TMEM50B: variants seen among roughly 807,000 people sequenced by gnomAD.
The protein encoded by TMEM50B is HCV p7-trans-regulated protein 3.
Under a neutral mutation model 23.4 loss-of-function variants are expected in TMEM50B, and 14 were observed. The ratio of observed to expected loss-of-function variants is 0.60; its 90% CI spans 0.39 to 0.93. TMEM50B has a LOEUF of 0.93. Among genes scored for constraint, TMEM50B ranks in the 40% least tolerant of loss-of-function variants. The probability of loss-of-function intolerance (pLI) is 0.00; values close to 1 mark genes in which losing one functional copy is unlikely to be tolerated. For synonymous variants in TMEM50B, 64 were observed against 62.3 expected, an observed-to-expected ratio of 1.03 and a Z score of -0.13; for missense variants, 159 against 193.0, an observed-to-expected ratio of 0.82 and a Z score of 1.04.
intron 3 of TMEM50B, among the ~76,000 whole-genome samples, chr21:33,466,640 A>C (rs1057374049): frequency 1.3e-5 from 2 of 152,212 alleles, no homozygotes; most frequent in Admixed American, 6.5e-5. Context: ...AATACTGACA[A>C]GAAATAAAAA....
chr21:33,471,675 C>G (rs963001671), intron 1 of TMEM50B, among the ~76,000 whole-genome samples: 16 of 152,088 alleles, frequency 1.1e-4, no homozygotes, highest in East Asian at 1.9e-4. Flanking sequence ...GGACTTCAAG[C>G]CCAGCCCAGG....
chr21:33,465,927 A>G (rs2084260542), intron 3 of TMEM50B, among the ~76,000 whole-genome samples: 1 of 152,176 alleles, frequency 6.6e-6, no homozygotes, highest in Non-Finnish European at 1.5e-5. Context: ...TTTAGAAGCC[A>G]CAATGGATAT....
downstream of TMEM50B, among the ~76,000 whole-genome samples, chr21:33,445,786 C>G (rs1398241504): frequency 7.4e-6 from 1 of 135,128 alleles, no homozygotes; most frequent in Non-Finnish European, 1.6e-5. Context: ...GACTCTGTCT[C>G]AAAAAAAAAA....
chr21:33,441,423 A>G (rs959007886), intron 7 of TMEM50B, among the ~76,000 whole-genome samples: 4 of 152,144 alleles, frequency 2.6e-5, no homozygotes, highest in Admixed American at 2.6e-4. Flanking sequence ...GTGAAGGAAA[A>G]CAAAGGTTCT....
At chr21:33,454,993 T>C (rs573301223) in intron 6 of TMEM50B, among the ~76,000 whole-genome samples, 145 of 152,234 alleles carry the variant, frequency 9.5e-4, no homozygotes, top group South Asian at 2.7e-3. Flanking sequence ...GGTGTGCACC[T>C]GTAGTCCCAC....
chr21:33,432,919 T>G, intron 8 of TMEM50B: 1 of 1,496,432 alleles, frequency 6.7e-7, no homozygotes, highest in African/African-American at 1.4e-5. Flanking sequence ...AGGGTCTTGC[T>G]CTGTTGCCCA....
downstream of TMEM50B, among the ~76,000 whole-genome samples, chr21:33,447,854 T>G (rs980834187): frequency 6.6e-6 from 1 of 152,122 alleles, no homozygotes; most frequent in Non-Finnish European, 1.5e-5. Context: ...ACACTCAGAT[T>G]CAATGACCAC....
intron 6 of TMEM50B, among the ~76,000 whole-genome samples, chr21:33,451,703 A>C (rs1053207149): frequency 6.6e-6 from 1 of 152,138 alleles, no homozygotes; most frequent in Admixed American, 6.6e-5. Context: ...AAGGGATGTG[A>C]AGTAGGAATC....
chr21:33,477,133 T>G (rs2084380845), intron 1 of TMEM50B, among the ~76,000 whole-genome samples: 1 of 151,944 alleles, frequency 6.6e-6, no homozygotes, highest in Admixed American at 6.6e-5. Flanking sequence ...AACCCGTCTC[T>G]ACAAAAATTA....
rs536214460 is a variant in TMEM50B, at chr21:33,466,492, A to C, written c.212+518T>G. On this transcript the variant is annotated intron_variant, in intron 3 of 6. Transcript: ENST00000542230. ...ACACAGTCAAGTAGCACATTAAAAA[A>C]AATAAAAATAATACTGCAAGGTAAA... 2.0e-5 allele frequency among the ~76,000 whole-genome samples: 3 copies of C among 152,300 alleles called. No homozygotes were observed. In the East Asian group the frequency reaches 5.8e-4, roughly 29 times the overall value.
At chr21:33,437,710 G>A (rs1383698028) in intron 8 of TMEM50B, among the ~76,000 whole-genome samples, 1 of 152,194 alleles carries the variant, frequency 6.6e-6, no homozygotes, top group Non-Finnish European at 1.5e-5. Context: ...AGGGCCTAGT[G>A]CAGTGGCCCA....
In TMEM50B at chr21:33,467,115, G is replaced by A. The variant is rs768888233; in HGVS notation, c.107C>T (p.Thr36Ile). 4.3e-6 allele frequency: 7 copies of A among 1,613,740 alleles called. No individual in the cohort carries two copies. The highest frequency in any genetic ancestry group is 5.9e-6 in the Non-Finnish European group (7 of 1,179,896). Residue 36 changes from threonine (T) to isoleucine (I), a missense_variant, in exon 3 of 7, where the codon ACA becomes ATA. Transcript: ENST00000542230. Reference protein sequence around the residue: ...ASVVAGILFFTGWWIMIDAAV... With the variant: ...ASVVAGILFFIGWWIMIDAAV... ...TGCATCAATCATTATCCACCAGCCT[G>A]TAAAAAACTTAAAACACAGCCCAAG...
chr21:33,434,812 A>C (rs140623547), intron 8 of TMEM50B, among the ~76,000 whole-genome samples: 235 of 152,284 alleles, frequency 1.5e-3, no homozygotes, highest in African/African-American at 5.5e-3. Flanking sequence ...AACAGGTCTC[A>C]GAATCTTACT....
chr21:33,468,347 C>G (rs1355658236), intron 2 of TMEM50B: 1 of 153,564 alleles, frequency 6.5e-6, no homozygotes, highest in African/African-American at 2.4e-5. Flanking sequence ...GATGGTATTT[C>G]TTCCCTAGAG....
rs774676142 is a variant in TMEM50B, at chr21:33,450,759, T to C, written c.*59A>G. 2 of 1,446,236 alleles carry C rather than the reference T, an allele frequency of 1.4e-6. No homozygotes were observed. Among genetic ancestry groups the C allele is most frequent in the Middle Eastern group, 1.8e-4 (1 of 5,612 alleles). The allele number at this position is 1,446,236 out of a possible 1,614,324, so 89.6% of individuals were successfully genotyped here. On this transcript the variant is annotated 3_prime_UTR_variant, in exon 7 of 7. Coordinates refer to ENST00000542230, the MANE Select transcript of TMEM50B (RefSeq NM_006134.7). ...CCATTTGGCAATGTGTACTGAGAGATAAAAAACCTATCTACAAACAGAATA... is the reference window on the plus strand; with the variant it reads ...CCATTTGGCAATGTGTACTGAGAGACAAAAAACCTATCTACAAACAGAATA...
chr21:33,476,111 G>A (rs1288243154), intron 1 of TMEM50B, among the ~76,000 whole-genome samples: 2 of 152,052 alleles, frequency 1.3e-5, no homozygotes, highest in African/African-American at 2.4e-5. Flanking sequence ...AGAATATATA[G>A]AGCCAGGCAC....
At chr21:33,441,363 T>G (rs2084007362) in intron 7 of TMEM50B, among the ~76,000 whole-genome samples, 1 of 152,148 alleles carries the variant, frequency 6.6e-6, no homozygotes, top group South Asian at 2.1e-4. Context: ...GAATAGGGTA[T>G]TACAAGGGGA....
At chr21:33,479,553 A>G (rs1254078741) in intron 1 of TMEM50B, among the ~76,000 whole-genome samples, 1 of 152,180 alleles carries the variant, frequency 6.6e-6, no homozygotes, top group Non-Finnish European at 1.5e-5. Context: ...TGACGGCGTG[A>G]CAGCGCGGCA....
At chr21:33,461,462 T>C (rs1053481694) in intron 4 of TMEM50B, among the ~76,000 whole-genome samples, 1 of 152,168 alleles carries the variant, frequency 6.6e-6, no homozygotes, top group Admixed American at 6.6e-5. Flanking sequence ...AATCTCTAAA[T>C]TATATTCAAT....
Sources: allele counts gnomAD v4.1 joint callset (sites outside exome capture counted in the v4.1 genomes callset), GRCh38; gene constraint gnomAD v4.1.1; transcripts MANE v1.5; gene names NCBI Gene and HGNC (gene_info 2026-07-23, HGNC 2026-07-21).